Variants in CLSTN2 observed in about 807,000 individuals in gnomAD.
The protein encoded by CLSTN2 is calsyntenin-2.
Under a neutral mutation model 101.2 loss-of-function variants are expected in CLSTN2, and 48 were observed. The observed-to-expected ratio is 0.47, with a 90% CI of 0.38 to 0.60. The LOEUF is 0.60. Ranked by LOEUF, CLSTN2 falls within the 20% of genes least tolerant of loss-of-function variation. CLSTN2 has a pLI of 0.00. For synonymous variants in CLSTN2, 481 were observed against 463.6 expected, an observed-to-expected ratio of 1.04 and a Z score of -0.48; for missense variants, 1,160 against 1,238.2, an observed-to-expected ratio of 0.94 and a Z score of 0.95.
intron 1 of CLSTN2, among the ~76,000 whole-genome samples, chr3:139,942,570 G>A (rs893331178): frequency 3.3e-5 from 5 of 152,190 alleles, no homozygotes; most frequent in African/African-American, 9.7e-5. Flanking sequence ...CATGGCAAGG[G>A]CGGGAGGAGA....
chr3:140,128,492 C>T (rs144808403), intron 1 of CLSTN2, among the ~76,000 whole-genome samples: 1,761 of 152,222 alleles, frequency 0.012, 33 homozygotes, highest in African/African-American at 0.04. Context: ...ATATTATAAA[C>T]TACAAGGGGT....
chr3:140,424,494 C>G (rs1425176213), intron 5 of CLSTN2, among the ~76,000 whole-genome samples: 2 of 152,208 alleles, frequency 1.3e-5, no homozygotes, highest in Non-Finnish European at 2.9e-5. Flanking sequence ...TATCCCTGGT[C>G]AGGGCTGCAG....
At chr3:140,413,150 G>T (rs1347838270) in intron 4 of CLSTN2, among the ~76,000 whole-genome samples, 1 of 151,548 alleles carries the variant, frequency 6.6e-6, no homozygotes, top group East Asian at 1.9e-4. Context: ...CTTTACCTAG[G>T]CTAAGAAAAA....
chr3:140,348,450 G>T (rs1019684892), intron 2 of CLSTN2, among the ~76,000 whole-genome samples: 2 of 152,060 alleles, frequency 1.3e-5, no homozygotes, highest in African/African-American at 4.8e-5. Context: ...TCATCCTTGT[G>T]TCCAGGCCAG....
chr3:140,549,667 T>C (rs909805587), intron 10 of CLSTN2, among the ~76,000 whole-genome samples: 94 of 149,128 alleles, frequency 6.3e-4, no homozygotes, highest in African/African-American at 2.3e-3. Flanking sequence ...GCAACTCAGA[T>C]TAGAAGACAT....
chr3:140,263,051 CA>C (rs1421966327), intron 2 of CLSTN2, among the ~76,000 whole-genome samples: 4 of 151,230 alleles, frequency 2.6e-5, no homozygotes, highest in East Asian at 1.9e-4. Flanking sequence ...ACATCCCCCC[CA>C]AAAAAACCCC....
At chr3:140,306,042 A>ACTCT (rs1404563939) in intron 2 of CLSTN2, among the ~76,000 whole-genome samples, 1 of 152,164 alleles carries the variant, frequency 6.6e-6, no homozygotes, top group Non-Finnish European at 1.5e-5. Context: ...CTAGTCAGTT[A>ACTCT]CTCTCACTGT....
chr3:139,974,092 A>G (rs747607757), intron 1 of CLSTN2, among the ~76,000 whole-genome samples: 1 of 152,194 alleles, frequency 6.6e-6, no homozygotes, highest in Admixed American at 6.5e-5. Context: ...ATTATTTAGA[A>G]CAACTCAATC....
At position 140,564,051 on chromosome 3, in the gene CLSTN2, C is replaced by G; in HGVS notation, c.2573C>G (p.Ala858Gly). The G allele has an allele frequency of 6.2e-7, 1 of 1,614,010 alleles. No individual in the cohort carries two copies. The highest frequency in any genetic ancestry group is 8.5e-7 in the Non-Finnish European group (1 of 1,179,950). The change falls in exon 16 of 17, where the codon GCC (alanine) becomes GGC (glycine). Residue 858 changes from alanine (A) to glycine (G), a missense_variant. Transcript: ENST00000458420. ...VAMGVYRVRI[A>G]HQHFIQETEA... ...ATGGGTGTGTACCGGGTCCGGATCG[C>G]CCACCAGCACTTCATCCAGGAGACT...
At chr3:139,964,422 A>C (rs1226264638) in intron 1 of CLSTN2, among the ~76,000 whole-genome samples, 3 of 152,202 alleles carry the variant, frequency 2.0e-5, no homozygotes, top group African/African-American at 4.8e-5. Flanking sequence ...AAGAGAGTAC[A>C]TGATGATATA....
intron 7 of CLSTN2, among the ~76,000 whole-genome samples, 154 bp from the exon 8 acceptor site, chr3:140,466,456 T>C (rs1933705065): frequency 6.6e-6 from 1 of 152,188 alleles, no homozygotes; most frequent in South Asian, 2.1e-4. Context: ...ATGTGCGTTA[T>C]AGAACTATCA....
chr3:139,996,687 TG>T (rs1335979755), intron 1 of CLSTN2, among the ~76,000 whole-genome samples: 2 of 152,246 alleles, frequency 1.3e-5, no homozygotes, highest in Admixed American at 6.5e-5. Flanking sequence ...TTCATTTTCC[TG>T]TTTGCTATCA....
At chr3:140,424,307 C>T (rs1230208874) in intron 5 of CLSTN2, among the ~76,000 whole-genome samples, 1 of 152,208 alleles carries the variant, frequency 6.6e-6, no homozygotes, top group Admixed American at 6.5e-5. Flanking sequence ...CATAGACAGG[C>T]CCTCCAGGCT....
chr3:140,056,732 C>G (rs1327366619), intron 1 of CLSTN2, among the ~76,000 whole-genome samples: 1 of 152,112 alleles, frequency 6.6e-6, no homozygotes, highest in Non-Finnish European at 1.5e-5. Context: ...ACTAAGTTGA[C>G]AGTAGGTCAT....
At chr3:140,533,221 C>T (rs1935295182) in intron 9 of CLSTN2, among the ~76,000 whole-genome samples, 1 of 152,186 alleles carries the variant, frequency 6.6e-6, no homozygotes, top group South Asian at 2.1e-4. Flanking sequence ...GTCTTTGTTT[C>T]AGCTCCTTTA....
chr3:139,945,694 T>G (rs902124656), intron 1 of CLSTN2, among the ~76,000 whole-genome samples: 8 of 152,196 alleles, frequency 5.3e-5, no homozygotes, highest in African/African-American at 1.9e-4. Flanking sequence ...GTTTTCCAAT[T>G]TGCGTGGATA....
chr3:140,416,418 A>G (rs750871787), intron 4 of CLSTN2, among the ~76,000 whole-genome samples: 2 of 152,144 alleles, frequency 1.3e-5, no homozygotes, highest in Non-Finnish European at 2.9e-5. Context: ...ATGTGACATG[A>G]TGCATATGTT....
rs191697147 is a variant in CLSTN2 at position 139,971,720 on chromosome 3, C to A, written c.109+36237C>A. ...ACATGGTTGCAGAGTACAAACCAGA[C>A]CCACATTCCAGTCACAGAGAATGGG... On this transcript the variant is annotated intron_variant, in intron 1 of 16. Coordinates refer to ENST00000458420, the MANE Select transcript of CLSTN2 (RefSeq NM_022131.3). 2.6e-4 allele frequency among the ~76,000 whole-genome samples: 39 copies of A among 152,308 alleles called. No homozygotes were observed. The East Asian group carries it at 5.6e-3, about 22-fold the overall frequency.
intron 2 of CLSTN2, among the ~76,000 whole-genome samples, chr3:140,223,349 A>G (rs2086291859): frequency 6.6e-6 from 1 of 152,184 alleles, no homozygotes; most frequent in Non-Finnish European, 1.5e-5. Flanking sequence ...ATGCCTAGCT[A>G]AGTCTTTGTT....
Sources: gnomAD v4.1 joint callset for allele counts (sites outside exome capture counted in the v4.1 genomes callset) on GRCh38, gnomAD v4.1.1 for gene constraint, MANE v1.5 for transcripts, NCBI Gene and HGNC (gene_info 2026-07-23, HGNC 2026-07-21) for gene names.